Variants in MTMR8 observed in about 807,000 individuals in gnomAD.
MTMR8 encodes phosphatidylinositol-3,5-bisphosphate 3-phosphatase MTMR8.
Under a neutral mutation model 39.3 loss-of-function variants are expected in MTMR8, and 65 were observed. The ratio of observed to expected loss-of-function variants is 1.65; its 90% CI spans 1.35 to 2.03. MTMR8 has a LOEUF of 2.03. MTMR8 is among the 30% of genes most tolerant of loss of function. MTMR8 has a pLI of 0.00. For synonymous variants in MTMR8, 245 were observed against 185.2 expected, an observed-to-expected ratio of 1.32 and a Z score of -2.62; for missense variants, 777 against 538.9, an observed-to-expected ratio of 1.44 and a Z score of -4.37.
At position 64,358,843 on chromosome X, in the gene MTMR8, G is replaced by GCACACACACACA. The variant is rs762422321; in HGVS notation, c.147+550_147+561dup. Among the ~76,000 whole-genome samples, 636 of 91,149 alleles carry GCACACACACACA rather than the reference G, an allele frequency of 7.0e-3. 9 individuals carry two copies. Among genetic ancestry groups the GCACACACACACA allele is most frequent in the African/African-American group, 0.026 (601 of 23,543 alleles). The allele number at this position is 91,149 out of a possible 115,157, so 79.2% of individuals were successfully genotyped here. A position where few individuals can be genotyped will look rare whatever the true frequency, so the allele number is the denominator to read the frequency against. On this transcript the variant is annotated intron_variant, in intron 2 of 13. Coordinates refer to ENST00000374852, the MANE Select transcript of MTMR8 (RefSeq NM_017677.4). ...GAAACACATACACATGCCCGTGCAT[G>GCACACACACACA]CACACACACACACACACACACACAC...
At chrX:64,382,565 T>G (rs1924456230) in intron 1 of MTMR8, among the ~76,000 whole-genome samples, 1 of 111,437 alleles carries the variant, frequency 9.0e-6, no homozygotes, top group African/African-American at 3.3e-5. Flanking sequence ...ACAATTTGAC[T>G]TCCTATTTCC....
At chrX:64,378,906 AAG>A (rs1354248706) in intron 1 of MTMR8, among the ~76,000 whole-genome samples, 2 of 111,876 alleles carry the variant, frequency 1.8e-5, no homozygotes, top group African/African-American at 6.5e-5. Context: ...CTACCTAAGA[AAG>A]AGAGTGAAGA....
chrX:64,388,743 T>C (rs1924623826), intron 1 of MTMR8, among the ~76,000 whole-genome samples: 1 of 112,610 alleles, frequency 8.9e-6, no homozygotes, highest in South Asian at 3.7e-4. Context: ...ACACACACAG[T>C]TCTGTGGTCA....
intron 12 of MTMR8, among the ~76,000 whole-genome samples, chrX:64,302,387 G>A (rs1039774933): frequency 2.4e-4 from 27 of 112,639 alleles, no homozygotes; most frequent in South Asian, 1.1e-3. Flanking sequence ...GACCCCTTGC[G>A]CTTCCCAGGT....
chrX:64,368,322 C>T (rs1357862729), intron 1 of MTMR8, among the ~76,000 whole-genome samples: 2 of 111,490 alleles, frequency 1.8e-5, no homozygotes, highest in Non-Finnish European at 3.8e-5. Context: ...GCAGAAAGAA[C>T]AAAGCTGGAG....
At chrX:64,333,453 C>A (rs1413837709) in intron 10 of MTMR8, among the ~76,000 whole-genome samples, 3 of 111,814 alleles carry the variant, frequency 2.7e-5, no homozygotes, top group Admixed American at 9.5e-5. Context: ...AAAAGGTGTT[C>A]TTCATTATAG....
At chrX:64,381,334 T>C (rs1924412990) in intron 1 of MTMR8, among the ~76,000 whole-genome samples, 1 of 112,243 alleles carries the variant, frequency 8.9e-6, no homozygotes, top group Non-Finnish European at 1.9e-5. Flanking sequence ...ACAATGTGCA[T>C]TTCTCTGATG....
chrX:64,320,206 A>G (rs1180068476), intron 12 of MTMR8, among the ~76,000 whole-genome samples: 1 of 110,995 alleles, frequency 9.0e-6, no homozygotes, highest in Non-Finnish European at 1.9e-5. Context: ...CTCTCTGTTT[A>G]TCTGCTATTG....
At chrX:64,366,293 C>G (rs1923953849) in intron 1 of MTMR8, among the ~76,000 whole-genome samples, 2 of 112,007 alleles carry the variant, frequency 1.8e-5, no homozygotes, top group South Asian at 7.5e-4. Context: ...CCCAAATCAA[C>G]AGAATATACA....
intron 12 of MTMR8, among the ~76,000 whole-genome samples, chrX:64,326,523 A>T (rs1483241859): frequency 9.0e-6 from 1 of 111,565 alleles, no homozygotes; most frequent in African/African-American, 3.3e-5. Flanking sequence ...ACTATAAAAC[A>T]TTGATGGAGG....
At chrX:64,365,265 C>A (rs1005770217) in intron 1 of MTMR8, among the ~76,000 whole-genome samples, 1 of 110,540 alleles carries the variant, frequency 9.0e-6, no homozygotes, top group African/African-American at 3.3e-5. Flanking sequence ...GAGAACACAA[C>A]AAAGATACTC....
chrX:64,381,332 C>T (rs1386959047), intron 1 of MTMR8, among the ~76,000 whole-genome samples: 2 of 111,828 alleles, frequency 1.8e-5, no homozygotes, highest in African/African-American at 3.2e-5. Context: ...AAACAATGTG[C>T]ATTTCTCTGA....
At chrX:64,332,321 T>C (rs903472204) in intron 10 of MTMR8, among the ~76,000 whole-genome samples, 2 of 111,568 alleles carry the variant, frequency 1.8e-5, no homozygotes, top group Non-Finnish European at 3.8e-5. Flanking sequence ...ACCAACCCTA[T>C]CATCGACTGA....
chrX:64,380,725 CT>C (rs1924390302), intron 1 of MTMR8, among the ~76,000 whole-genome samples: 1 of 111,618 alleles, frequency 9.0e-6, no homozygotes, highest in South Asian at 3.8e-4. Flanking sequence ...GGTATATCTC[CT>C]AATGCTATCC....
chrX:64,349,121 C>A (rs944047521), intron 5 of MTMR8, among the ~76,000 whole-genome samples: 1 of 111,434 alleles, frequency 9.0e-6, no homozygotes, highest in African/African-American at 3.3e-5. Flanking sequence ...TTTTTACAGT[C>A]CCAGTAATAT....
intron 12 of MTMR8, among the ~76,000 whole-genome samples, chrX:64,312,007 G>A (rs1922319502): frequency 9.0e-6 from 1 of 110,926 alleles, no homozygotes; most frequent in Non-Finnish European, 1.9e-5. Context: ...GGTTCCATAT[G>A]AACTTTAAAG....
Position 64,354,799 on chromosome X carries a change from G to A in MTMR8, c.446C>T (p.Thr149Ile), listed in dbSNP as rs890387431. 1 of 1,199,796 alleles carries A rather than the reference G, an allele frequency of 8.3e-7. No individual in the cohort carries two copies. Among genetic ancestry groups the A allele is most frequent in the African/African-American group, 1.8e-5 (1 of 56,777 alleles). Residue 149 changes from threonine to isoleucine, a missense_variant, in exon 4 of 14, where the codon ACA (threonine) becomes ATA (isoleucine). Thr to Ile is a moderately conservative substitution (Grantham distance 89). Coordinates refer to ENST00000374852, the MANE Select transcript of MTMR8 (RefSeq NM_017677.4). ...TACCTCATAGTTTCTGTTGGCATCT[G>A]TTATGGTCCAGTTTCTGTTGGGTAT... ...MGIPNRNWTI[T>I]DANRNYEICS...
chrX:64,326,191 A>C (rs190048001), intron 12 of MTMR8, among the ~76,000 whole-genome samples: 103 of 111,340 alleles, frequency 9.3e-4, no homozygotes, highest in African/African-American at 3.3e-3. Context: ...GAGGAAGAGG[A>C]AGAAGAAAAG....
chrX:64,363,959 C>A (rs1392881768), intron 1 of MTMR8, among the ~76,000 whole-genome samples: 3 of 112,534 alleles, frequency 2.7e-5, no homozygotes, highest in African/African-American at 9.7e-5. Context: ...CTCAGTGGGT[C>A]CCACGCCCAC....
Sources: allele counts gnomAD v4.1 joint callset (sites outside exome capture counted in the v4.1 genomes callset), GRCh38; gene constraint gnomAD v4.1.1; transcripts MANE v1.5; gene names NCBI Gene and HGNC (gene_info 2026-07-23, HGNC 2026-07-21).